LUZP2: variants seen among roughly 807,000 people sequenced by gnomAD.
LUZP2 encodes the protein leucine zipper protein 2.
Under a neutral mutation model 51.6 loss-of-function variants are expected in LUZP2, and 52 were observed. The observed-to-expected ratio is 1.01, with a 90% CI of 0.81 to 1.27. LUZP2 has a LOEUF of 1.27. Ranked by LOEUF, LUZP2 falls within the 50% of genes most tolerant of loss-of-function variation. The pLI, the probability that LUZP2 is intolerant of heterozygous loss-of-function variation, is 0.00. For synonymous variants in LUZP2, 154 were observed against 137.3 expected (o/e 1.12, Z -0.85); for missense variants, 436 against 395.4 (o/e 1.10, Z -0.87).
intron 5 of LUZP2, among the ~76,000 whole-genome samples, chr11:24,902,564 A>G (rs374700887): frequency 3.3e-5 from 5 of 152,184 alleles, no homozygotes; most frequent in African/African-American, 1.2e-4. Flanking sequence ...AATGTTTAGC[A>G]CTGCTTGCTA....
At chr11:24,708,239 C>T (rs1590378103) in intron 1 of LUZP2, among the ~76,000 whole-genome samples, 1 of 152,104 alleles carries the variant, frequency 6.6e-6, no homozygotes, top group South Asian at 2.1e-4. Context: ...ATATTCTTCC[C>T]TCAGCCTACT....
intron 7 of LUZP2, among the ~76,000 whole-genome samples, chr11:24,933,046 G>C (rs1221585394): frequency 6.6e-6 from 1 of 152,090 alleles, no homozygotes; most frequent in East Asian, 1.9e-4. Flanking sequence ...ATTTGTCTCA[G>C]CTCCAGATAA....
chr11:25,082,024 GT>G lies in LUZP2; in HGVS notation c.*3368del. 6.6e-6 allele frequency: 1 copy of G among 152,300 alleles called. No individual in the cohort carries two copies. The highest frequency in any genetic ancestry group is 1.9e-4 in the East Asian group (1 of 5,174). 9.4% of individuals were successfully genotyped at this position (152,300 alleles called of 1,614,324 possible). On this transcript the variant is annotated 3_prime_UTR_variant, in exon 12 of 12. Coordinates refer to ENST00000336930, the MANE Select transcript of LUZP2 (RefSeq NM_001009909.4). ...TGCGTTAAATATGTAAACTGAACCT[GT>G]TCCTAAAATGCATTAAACTTGAATG... is the stretch of plus-strand genomic sequence containing the variant.
intron 4 of LUZP2, among the ~76,000 whole-genome samples, chr11:24,745,740 C>T (rs1445384378): frequency 6.6e-6 from 1 of 152,032 alleles, no homozygotes; most frequent in African/African-American, 2.4e-5. Context: ...TGCAGTGGCA[C>T]AATCTTGGCT....
intron 7 of LUZP2, among the ~76,000 whole-genome samples, chr11:24,955,468 A>G (rs1235407747): frequency 6.6e-6 from 1 of 152,068 alleles, no homozygotes; most frequent in African/African-American, 2.4e-5. Flanking sequence ...TGCCTTTCAA[A>G]AGATTGAGAG....
At chr11:24,666,760 A>C (rs992183144) in intron 1 of LUZP2, among the ~76,000 whole-genome samples, 2 of 152,204 alleles carry the variant, frequency 1.3e-5, no homozygotes, top group African/African-American at 4.8e-5. Flanking sequence ...TTTATCTTCG[A>C]TGTTTGGAAG....
chr11:24,664,288 CTTTGAA>C (rs1856136782), intron 1 of LUZP2, among the ~76,000 whole-genome samples: 1 of 152,064 alleles, frequency 6.6e-6, no homozygotes, highest in Non-Finnish European at 1.5e-5. Context: ...ATCTTTAGAA[CTTTGAA>C]TTTGAAAGAC....
intron 9 of LUZP2, among the ~76,000 whole-genome samples, chr11:25,028,462 A>G (rs1311495823): frequency 3.3e-5 from 5 of 152,198 alleles, no homozygotes; most frequent in Admixed American, 6.5e-5. Flanking sequence ...TCATTCAGCC[A>G]TAAAAAAGAA....
At chr11:25,063,968 C>A (rs963238775) in intron 10 of LUZP2, among the ~76,000 whole-genome samples, 1 of 151,680 alleles carries the variant, frequency 6.6e-6, no homozygotes, top group African/African-American at 2.4e-5. Context: ...GCAGATCCTG[C>A]ACTTCTCACT....
rs116838523 is a variant in LUZP2, at chr11:24,903,838, C to T, written c.397-2153C>T. Among the ~76,000 whole-genome samples the T allele has an allele frequency of 7.1e-3, 1,075 of 152,152 alleles. 12 individuals are homozygous for T. The highest frequency in any genetic ancestry group is 0.021 in the African/African-American group (876 of 41,496). ...TAAGTGTCAAAGGGACAAACATTTG[C>T]CTTTGAACTAGGTCAATTATGAGAT... On this transcript the variant is annotated intron_variant, in intron 5 of 11. Coordinates refer to ENST00000336930, the MANE Select transcript of LUZP2 (RefSeq NM_001009909.4).
chr11:24,991,231 A>C (rs1329388532), intron 9 of LUZP2, among the ~76,000 whole-genome samples: 1 of 151,820 alleles, frequency 6.6e-6, no homozygotes, highest in Non-Finnish European at 1.5e-5. Context: ...TTGGTTTTCC[A>C]TTCCTGAGTT....
chr11:24,662,332 GA>G (rs1364965006), intron 1 of LUZP2, among the ~76,000 whole-genome samples: 1 of 151,792 alleles, frequency 6.6e-6, no homozygotes, highest in African/African-American at 2.4e-5. Flanking sequence ...ATAATTCTTT[GA>G]AAAATATGTA....
At chr11:24,679,037 T>C (rs1254510057) in intron 1 of LUZP2, among the ~76,000 whole-genome samples, 1 of 152,212 alleles carries the variant, frequency 6.6e-6, no homozygotes, top group Non-Finnish European at 1.5e-5. Context: ...TATAATAACA[T>C]TGTCAGTAAG....
At chr11:24,938,324 G>A (rs1590752960) in intron 7 of LUZP2, among the ~76,000 whole-genome samples, 1 of 152,088 alleles carries the variant, frequency 6.6e-6, no homozygotes, top group African/African-American at 2.4e-5. Context: ...CACAATTGCA[G>A]TTGACCATTT....
intron 10 of LUZP2, among the ~76,000 whole-genome samples, chr11:25,069,661 G>A (rs183214478): frequency 6.6e-6 from 1 of 151,542 alleles, no homozygotes; most frequent in Non-Finnish European, 1.5e-5. Context: ...AAAGTGACAG[G>A]GTATACATGT....
intron 9 of LUZP2, among the ~76,000 whole-genome samples, chr11:25,040,966 T>A (rs2134006291): frequency 6.6e-6 from 1 of 152,256 alleles, no homozygotes; most frequent in Non-Finnish European, 1.5e-5. Context: ...TTTCTCACTG[T>A]TTTAGCTCTT....
At chr11:24,520,087 T>C (rs1850596073) in intron 1 of LUZP2, among the ~76,000 whole-genome samples, 3 of 152,190 alleles carry the variant, frequency 2.0e-5, no homozygotes, top group African/African-American at 4.8e-5. Context: ...TAATAAAGCA[T>C]AAAATCCACA....
At chr11:24,579,834 T>C (rs1245771014) in intron 1 of LUZP2, among the ~76,000 whole-genome samples, 1 of 152,114 alleles carries the variant, frequency 6.6e-6, no homozygotes, top group Non-Finnish European at 1.5e-5. Flanking sequence ...TGATGACATA[T>C]TTTATACTAG....
chr11:25,049,400 A>G (rs1293513040), intron 9 of LUZP2, among the ~76,000 whole-genome samples: 2 of 152,204 alleles, frequency 1.3e-5, no homozygotes, highest in East Asian at 1.9e-4. Context: ...TTTCTATACA[A>G]CAATTAGGGC....
Sources: allele counts gnomAD v4.1 joint callset (sites outside exome capture counted in the v4.1 genomes callset), GRCh38; gene constraint gnomAD v4.1.1; transcripts MANE v1.5; gene names NCBI Gene and HGNC (gene_info 2026-07-23, HGNC 2026-07-21).